Variants in NAALADL2 observed in about 807,000 individuals in gnomAD.
NAALADL2 encodes the protein N-acetylated alpha-linked acidic dipeptidase like 2, also known as inactive N-acetylated-alpha-linked acidic dipeptidase-like protein 2.
Under a neutral mutation model 87.2 loss-of-function variants are expected in NAALADL2, and 76 were observed. The observed-to-expected ratio is 0.87, with a 90% CI of 0.72 to 1.05. NAALADL2 has a LOEUF of 1.05. Among genes scored for constraint, NAALADL2 ranks in the 50% least tolerant of loss-of-function variants. The pLI is 0.00. For synonymous variants in NAALADL2, 354 were observed against 331.0 expected (o/e 1.07, Z -0.75); for missense variants, 1,089 against 945.8 (o/e 1.15, Z -1.99).
At chr3:175,345,645 G>A (rs1181749287) in intron 5 of NAALADL2, among the ~76,000 whole-genome samples, 1 of 152,140 alleles carries the variant, frequency 6.6e-6, no homozygotes, top group Non-Finnish European at 1.5e-5. Flanking sequence ...ATCCCACACA[G>A]TGATCACAGT....
In NAALADL2 at chr3:174,723,790, A is replaced by G. The variant is rs528113062; in HGVS notation, c.-114-13851A>G. 1.4e-3 allele frequency among the ~76,000 whole-genome samples: 188 copies of G among 138,758 alleles called. 1 individual carries two copies. The highest frequency in any genetic ancestry group is 4.6e-3 in the African/African-American group (177 of 38,612). 91.0% of individuals were successfully genotyped at this position (138,758 alleles called of 152,430 possible). On this transcript the variant is annotated intron_variant, in intron 2 of 3. Coordinates refer to the NAALADL2 transcript ENST00000434257. ...AAAAAAAAAAAAAAAAAAAGCCTAG[A>G]TAGAAGTACAACTTAAACTATACTG...
intron 1 of NAALADL2, among the ~76,000 whole-genome samples, chr3:174,934,848 A>T (rs2108438626): frequency 6.6e-6 from 1 of 152,298 alleles, no homozygotes; most frequent in African/African-American, 2.4e-5. Context: ...TAGAGGAATT[A>T]TAGGATACGT....
intron 9 of NAALADL2, among the ~76,000 whole-genome samples, chr3:175,522,980 C>A (rs540969170): frequency 6.6e-6 from 1 of 152,228 alleles, no homozygotes; most frequent in African/African-American, 2.4e-5. Context: ...TTCCTTTAAA[C>A]GAGAAGTTCT....
chr3:175,237,420 T>A (rs1746088228), intron 3 of NAALADL2, among the ~76,000 whole-genome samples: 2 of 152,192 alleles, frequency 1.3e-5, no homozygotes, highest in African/African-American at 4.8e-5. Context: ...CTTGACAATT[T>A]CAAATCATCA....
chr3:175,578,761 A>G (rs944011675), intron 10 of NAALADL2, among the ~76,000 whole-genome samples: 3 of 152,208 alleles, frequency 2.0e-5, no homozygotes, highest in Non-Finnish European at 4.4e-5. Context: ...TAGTCTATCA[A>G]TATATTTTGT....
intron 1 of NAALADL2, chr3:174,523,308 C>A (rs902531343): frequency 6.6e-6 from 1 of 152,060 alleles, no homozygotes; most frequent in Non-Finnish European, 1.5e-5. Flanking sequence ...ACCATTAGAA[C>A]TAAAGTAGAC....
intron 3 of NAALADL2, among the ~76,000 whole-genome samples, chr3:174,787,676 G>A (rs1330130855): frequency 7.7e-6 from 1 of 129,996 alleles, no homozygotes; most frequent in Admixed American, 8.5e-5. Context: ...TTCAAAACTG[G>A]ACTTTTTGAA....
intron 1 of NAALADL2, among the ~76,000 whole-genome samples, chr3:174,524,319 T>C (rs900156649): frequency 4.6e-5 from 7 of 152,018 alleles, no homozygotes; most frequent in Non-Finnish European, 7.4e-5. Flanking sequence ...GGAAAATAGA[T>C]GTGGGTGTTG....
intron 11 of NAALADL2, chr3:175,718,195 G>GTTTTTGTTTT: frequency 1.2e-6 from 1 of 822,738 alleles, no homozygotes; most frequent in Middle Eastern, 4.5e-4. Flanking sequence ...AGGGCCTGTG[G>GTTTTTGTTTT]TTTTTTTTTT....
chr3:175,475,547 A>C (rs1405247328), intron 9 of NAALADL2, among the ~76,000 whole-genome samples: 1 of 152,196 alleles, frequency 6.6e-6, no homozygotes, highest in Admixed American at 6.6e-5. Context: ...AATTTCTAAC[A>C]GGTTATTTTG....
chr3:175,612,220 G>T (rs1224864243), intron 10 of NAALADL2, among the ~76,000 whole-genome samples: 2 of 152,156 alleles, frequency 1.3e-5, no homozygotes, highest in Non-Finnish European at 2.9e-5. Context: ...GTGAGCTACA[G>T]GAGAAGAGGG....
chr3:175,514,543 G>A (rs976761123), intron 9 of NAALADL2, among the ~76,000 whole-genome samples: 3 of 152,128 alleles, frequency 2.0e-5, no homozygotes, highest in African/African-American at 7.2e-5. Context: ...ATTTGGATTT[G>A]TGATCTCGCT....
chr3:175,338,645 ACACACACACACACAC>A (rs1448846859), intron 5 of NAALADL2, among the ~76,000 whole-genome samples: 3 of 148,866 alleles, frequency 2.0e-5, no homozygotes, highest in African/African-American at 7.4e-5. Context: ...ACACACACAC[ACACACACACACACAC>A]ACAAACAAAC....
intron 4 of NAALADL2, among the ~76,000 whole-genome samples, chr3:175,278,903 C>A (rs1242174542): frequency 6.6e-6 from 1 of 152,140 alleles, no homozygotes; most frequent in Admixed American, 6.5e-5. Flanking sequence ...AAATATTTGT[C>A]TGTAGGACTA....
intron 2 of NAALADL2, among the ~76,000 whole-genome samples, chr3:175,146,420 G>T (rs914727310): frequency 6.6e-6 from 1 of 152,100 alleles, no homozygotes; most frequent in Non-Finnish European, 1.5e-5. Context: ...GAGTTTTACA[G>T]CCTGAGTTTT....
At chr3:175,651,112 A>G (rs1397115981) in intron 11 of NAALADL2, among the ~76,000 whole-genome samples, 1 of 152,132 alleles carries the variant, frequency 6.6e-6, no homozygotes, top group African/African-American at 2.4e-5. Context: ...TTAATCCCTG[A>G]AAAAATTTTT....
chr3:174,482,981 A>T (rs7630398), intron 1 of NAALADL2, among the ~76,000 whole-genome samples: 64,426 of 151,716 alleles, frequency 0.42, 14,777 homozygotes, highest in East Asian at 0.88. Context: ...TAATTTGTCA[A>T]CCATTTAAAA....
intron 1 of NAALADL2, among the ~76,000 whole-genome samples, chr3:175,015,715 A>G (rs1750723752): frequency 6.6e-6 from 1 of 152,130 alleles, no homozygotes; most frequent in African/African-American, 2.4e-5. Context: ...TTTTGGTAAC[A>G]TACTAAAATA....
intron 5 of NAALADL2, among the ~76,000 whole-genome samples, chr3:175,360,527 C>T (rs1764868150): frequency 6.6e-6 from 1 of 151,950 alleles, no homozygotes; most frequent in Non-Finnish European, 1.5e-5. Context: ...AAAACATTCT[C>T]CAGTAACTTC....
Sources: allele counts gnomAD v4.1 joint callset (sites outside exome capture counted in the v4.1 genomes callset), GRCh38; gene constraint gnomAD v4.1.1; transcripts MANE v1.5; gene names NCBI Gene and HGNC (gene_info 2026-07-23, HGNC 2026-07-21).